The following RPH3A variants were observed in gnomAD, a reference collection of about 807,000 sequenced individuals.
RPH3A encodes the protein rabphilin 3A.
RPH3A carries 48 observed loss-of-function variants against 102.2 expected under a neutral mutation model. That is an observed-to-expected ratio of 0.47 (90% CI 0.37 to 0.60). The LOEUF (loss-of-function observed/expected upper bound fraction) is 0.60, where lower values mean the gene tolerates loss of function less well. Among genes scored for constraint, RPH3A ranks in the 20% least tolerant of loss-of-function variants. RPH3A has a pLI of 0.00. For synonymous variants in RPH3A, 310 were observed against 324.3 expected, an observed-to-expected ratio of 0.96 and a Z score of 0.47; for missense variants, 781 against 910.1, an observed-to-expected ratio of 0.86 and a Z score of 1.83.
At chr12:112,751,631 A>G (rs1271686287) in intron 1 of RPH3A, among the ~76,000 whole-genome samples, 1 of 152,160 alleles carries the variant, frequency 6.6e-6, no homozygotes, top group Admixed American at 6.6e-5. Context: ...AAATATATGT[A>G]TGAGGCTGGG....
chr12:112,871,921 A>G (rs1593110330), intron 10 of RPH3A, among the ~76,000 whole-genome samples: 1 of 151,190 alleles, frequency 6.6e-6, no homozygotes, highest in East Asian at 1.9e-4. Context: ...TATATATTAT[A>G]TATACTACAT....
chr12:112,840,003 G>C (rs1268293167), intron 4 of RPH3A, among the ~76,000 whole-genome samples: 1 of 152,028 alleles, frequency 6.6e-6, no homozygotes, highest in Non-Finnish European at 1.5e-5. Flanking sequence ...AAAAAGAAAA[G>C]AAAAGAAGAT....
chr12:112,736,418 G>T (rs929703299), intron 1 of RPH3A, among the ~76,000 whole-genome samples: 1 of 152,168 alleles, frequency 6.6e-6, no homozygotes, highest in Non-Finnish European at 1.5e-5. Context: ...TCCCCTCACT[G>T]GACCAAAAGC....
At chr12:112,730,187 G>C (rs560569557) in intron 1 of RPH3A, among the ~76,000 whole-genome samples, 2 of 152,224 alleles carry the variant, frequency 1.3e-5, no homozygotes, top group African/African-American at 2.4e-5. Context: ...TGGACTTCTA[G>C]CTTCCGACTG....
chr12:112,836,188 A>C (rs1233139041), intron 3 of RPH3A, among the ~76,000 whole-genome samples: 2 of 152,228 alleles, frequency 1.3e-5, no homozygotes, highest in African/African-American at 4.8e-5. Flanking sequence ...CCATGAGATC[A>C]TTCAGTGATT....
At chr12:112,609,041 A>G (rs903424439) in intron 1 of RPH3A, among the ~76,000 whole-genome samples, 1 of 152,202 alleles carries the variant, frequency 6.6e-6, no homozygotes, top group African/African-American at 2.4e-5. Flanking sequence ...TGTGGTTTGT[A>G]GTGATCTCAT....
At chr12:112,838,210 G>A (rs1369767817) in intron 4 of RPH3A, among the ~76,000 whole-genome samples, 4 of 152,368 alleles carry the variant, frequency 2.6e-5, no homozygotes, top group African/African-American at 9.6e-5. Context: ...GGAGCACTAC[G>A]TGGAGGAGAC....
chr12:112,612,105 G>A (rs186634331), intron 1 of RPH3A, among the ~76,000 whole-genome samples: 71 of 152,264 alleles, frequency 4.7e-4, no homozygotes, highest in African/African-American at 1.6e-3. Flanking sequence ...GCCAACCCAC[G>A]CTCTGCTTTA....
At chr12:112,583,066 T>G (rs2039411638) in intron 1 of RPH3A, among the ~76,000 whole-genome samples, 1 of 152,214 alleles carries the variant, frequency 6.6e-6, no homozygotes, top group Non-Finnish European at 1.5e-5. Flanking sequence ...ATTGACTGTA[T>G]GTCAGAGGGA....
At chr12:112,745,428 T>C (rs2040739070) in intron 1 of RPH3A, among the ~76,000 whole-genome samples, 1 of 152,228 alleles carries the variant, frequency 6.6e-6, no homozygotes, top group Non-Finnish European at 1.5e-5. Context: ...GGTTTTAGCA[T>C]CCTTTGAGGG....
At chr12:112,724,416 T>C (rs1329754101) in intron 1 of RPH3A, among the ~76,000 whole-genome samples, 1 of 152,120 alleles carries the variant, frequency 6.6e-6, no homozygotes, top group African/African-American at 2.4e-5. Flanking sequence ...ATTCAAATGG[T>C]TGCAGATCTC....
intron 1 of RPH3A, among the ~76,000 whole-genome samples, chr12:112,678,303 A>AAGAGAGAGAGAGAGAG (rs772237822): frequency 2.0e-5 from 1 of 50,138 alleles, no homozygotes; most frequent in African/African-American, 6.8e-5. Context: ...GAAAGAAAGA[A>AAGAGAGAGAGAGAGAG]AGAGAGAGAG....
chr12:112,726,060 G>A (rs928783600), intron 1 of RPH3A, among the ~76,000 whole-genome samples: 7 of 151,868 alleles, frequency 4.6e-5, no homozygotes, highest in Non-Finnish European at 8.8e-5. Context: ...CTCCCAAAGT[G>A]CTGGGATTGC....
chr12:112,771,785 GAAA>G (rs1157970616), intron 1 of RPH3A, among the ~76,000 whole-genome samples: 2 of 152,128 alleles, frequency 1.3e-5, no homozygotes, highest in African/African-American at 4.8e-5. Flanking sequence ...AAATAGACAT[GAAA>G]TCTATTTAGT....
intron 1 of RPH3A, among the ~76,000 whole-genome samples, chr12:112,652,161 C>T (rs572278492): frequency 6.6e-6 from 1 of 152,070 alleles, no homozygotes; most frequent in South Asian, 2.1e-4. Flanking sequence ...TGAGAAACTG[C>T]CAAGTGGAGA....
chr12:112,687,127 T>C (rs980663870), intron 1 of RPH3A, among the ~76,000 whole-genome samples: 3 of 152,064 alleles, frequency 2.0e-5, no homozygotes, highest in Non-Finnish European at 2.9e-5. Context: ...TTTTTAAGCA[T>C]TTGGCTGCAA....
At chr12:112,664,200 A>G (rs781455981) in intron 1 of RPH3A, among the ~76,000 whole-genome samples, 1 of 152,192 alleles carries the variant, frequency 6.6e-6, no homozygotes, top group Non-Finnish European at 1.5e-5. Context: ...TGGCTTAAGC[A>G]TGGAGTACAT....
At chr12:112,653,687 G>A (rs1420997535) in intron 1 of RPH3A, among the ~76,000 whole-genome samples, 2 of 151,964 alleles carry the variant, frequency 1.3e-5, no homozygotes, top group Non-Finnish European at 2.9e-5. Context: ...TGTTATATAG[G>A]CAAACTCGTG....
intron 1 of RPH3A, among the ~76,000 whole-genome samples, chr12:112,725,178 G>A (rs1224187095): frequency 6.8e-6 from 1 of 147,672 alleles, no homozygotes; most frequent in African/African-American, 2.5e-5. Flanking sequence ...GAACCTGAGA[G>A]GCGGAGGTTG....
Sources: allele counts gnomAD v4.1 joint callset (sites outside exome capture counted in the v4.1 genomes callset), GRCh38; gene constraint gnomAD v4.1.1; transcripts MANE v1.5; gene names NCBI Gene and HGNC (gene_info 2026-07-23, HGNC 2026-07-21).